Variants in GLIS3 observed in about 807,000 individuals in gnomAD.
The protein encoded by GLIS3 is GLIS family zinc finger 3.
Under a neutral mutation model 78.6 loss-of-function variants are expected in GLIS3, and 53 were observed. That is an observed-to-expected ratio of 0.67 (90% CI 0.54 to 0.85). The LOEUF is 0.85. Ranked by LOEUF, GLIS3 falls within the 40% of genes least tolerant of loss-of-function variation. The pLI is 0.00. For missense variants in GLIS3, 1,703 were observed against 1,231.1 expected (o/e 1.38, Z -5.74); for synonymous variants, 684 against 509.9 (o/e 1.34, Z -4.60).
At chr9:4,059,216 T>C (rs1018821760) in intron 4 of GLIS3, among the ~76,000 whole-genome samples, 1 of 152,228 alleles carries the variant, frequency 6.6e-6, no homozygotes, top group Non-Finnish European at 1.5e-5. Context: ...TCAGACATTT[T>C]TTCTCTATGC....
intron 2 of GLIS3, among the ~76,000 whole-genome samples, chr9:4,187,258 T>C (rs187322561): frequency 0.013 from 1,980 of 152,344 alleles, 22 homozygotes; most frequent in Middle Eastern, 0.027. Flanking sequence ...AGGGAATCCT[T>C]TCCCCATTGC....
the GLIS3 span, among the ~76,000 whole-genome samples, chr9:4,385,263 C>T: frequency 6.6e-6 from 1 of 152,144 alleles, no homozygotes; most frequent in Non-Finnish European, 1.5e-5. Context: ...CAAGGATTTT[C>T]CCAACCCCAA....
chr9:4,189,318 T>C (rs1319638527), intron 2 of GLIS3, among the ~76,000 whole-genome samples: 2 of 152,228 alleles, frequency 1.3e-5, no homozygotes, highest in East Asian at 3.8e-4. Flanking sequence ...TTGAGTGAGT[T>C]TCTTAATCCT....
At chr9:4,170,422 C>T (rs1350712136) in intron 2 of GLIS3, among the ~76,000 whole-genome samples, 1 of 151,820 alleles carries the variant, frequency 6.6e-6, no homozygotes, top group African/African-American at 2.4e-5. Flanking sequence ...CAAAACCACA[C>T]ATGAGTCAGC....
intron 4 of GLIS3, among the ~76,000 whole-genome samples, chr9:3,964,378 A>G (rs1397602257): frequency 6.6e-6 from 1 of 152,202 alleles, no homozygotes; most frequent in Non-Finnish European, 1.5e-5. Context: ...CATTAATTAC[A>G]TTCTCTTTGC....
At chr9:3,858,680 T>G (rs988380743) in intron 8 of GLIS3, among the ~76,000 whole-genome samples, 2 of 152,186 alleles carry the variant, frequency 1.3e-5, no homozygotes, top group Non-Finnish European at 2.9e-5. Context: ...AAAATACACA[T>G]TTAAAGTAGG....
intron 4 of GLIS3, among the ~76,000 whole-genome samples, chr9:4,050,140 C>G (rs1262212616): frequency 1.3e-5 from 2 of 151,560 alleles, no homozygotes; most frequent in Non-Finnish European, 2.9e-5. Context: ...TATAAAGACA[C>G]ATGCACACGT....
intron 2 of GLIS3, among the ~76,000 whole-genome samples, chr9:4,197,368 G>A (rs1040939370): frequency 3.3e-5 from 5 of 152,094 alleles, no homozygotes; most frequent in Non-Finnish European, 5.9e-5. Flanking sequence ...AGAGATCATG[G>A]TACAGGGAGG....
the GLIS3 span, among the ~76,000 whole-genome samples, chr9:4,374,844 G>A: frequency 6.6e-6 from 1 of 152,318 alleles, no homozygotes; most frequent in Non-Finnish European, 1.5e-5. Flanking sequence ...CAACACACAT[G>A]CACATATGTG....
intron 4 of GLIS3, among the ~76,000 whole-genome samples, chr9:3,984,209 C>T (rs1819539861): frequency 6.6e-6 from 1 of 152,236 alleles, no homozygotes; most frequent in African/African-American, 2.4e-5. Flanking sequence ...CTCCAGACCC[C>T]AGACTGGTAG....
At chr9:4,474,985 ATTTTTTTTTCTT>A in the GLIS3 span, among the ~76,000 whole-genome samples, 1 of 114,490 alleles carries the variant, frequency 8.7e-6, no homozygotes, top group Non-Finnish European at 1.7e-5. Context: ...GACTATGTTA[ATTTTTTTTTCTT>A]TTTTTTTTTT....
chr9:4,090,544 A>G (rs1829412240), intron 4 of GLIS3, among the ~76,000 whole-genome samples: 1 of 152,186 alleles, frequency 6.6e-6, no homozygotes, highest in Non-Finnish European at 1.5e-5. Flanking sequence ...TTCCAAGTCC[A>G]CTGAACACAT....
chr9:4,342,013 C>T (rs1187517072), intron 2 of GLIS3, among the ~76,000 whole-genome samples: 1 of 152,152 alleles, frequency 6.6e-6, no homozygotes, highest in Non-Finnish European at 1.5e-5. Context: ...TTGTTGGATG[C>T]ATACTTTGCA....
chr9:4,302,223 T>G (rs1289418026), upstream of GLIS3, among the ~76,000 whole-genome samples: 1 of 152,116 alleles, frequency 6.6e-6, no homozygotes, highest in Non-Finnish European at 1.5e-5. Flanking sequence ...ACCCATGAGC[T>G]CTCCATCGTG....
At chr9:4,235,453 G>GA in intron 2 of GLIS3, among the ~76,000 whole-genome samples, 1 of 152,286 alleles carries the variant, frequency 6.6e-6, no homozygotes, top group East Asian at 1.9e-4. Context: ...CTAACGACTT[G>GA]ATCTCAGTCA....
intron 4 of GLIS3, among the ~76,000 whole-genome samples, chr9:4,091,700 T>C (rs769328805): frequency 6.6e-5 from 10 of 152,172 alleles, no homozygotes; most frequent in Non-Finnish European, 1.2e-4. Flanking sequence ...CCTGCCACCA[T>C]GTGAAGGAGG....
rs1023302083 is a variant in GLIS3 at position 4,159,818 on chromosome 9, A to G, written c.389-33877T>C. Among the ~76,000 whole-genome samples, 21 of 152,314 alleles carry G rather than the reference A, an allele frequency of 1.4e-4. No individual in the cohort carries two copies. In the South Asian group the frequency reaches 4.4e-3, roughly 32 times the overall value. On this transcript the variant is annotated intron_variant, in intron 2 of 10. Transcript: ENST00000381971. ...CCACAGATCTCTCTTGTGACCAACA[A>G]TGAAATACATTCAGGAGAGAAGAGC... is the stretch of plus-strand genomic sequence containing the variant.
At chr9:4,180,331 T>C (rs1286496963) in intron 2 of GLIS3, among the ~76,000 whole-genome samples, 6 of 152,124 alleles carry the variant, frequency 3.9e-5, no homozygotes, top group African/African-American at 1.4e-4. Context: ...CTCACCAATT[T>C]AGTCGCAAGA....
intron 2 of GLIS3, among the ~76,000 whole-genome samples, chr9:4,176,957 C>G (rs527974607): frequency 6.6e-6 from 1 of 152,148 alleles, no homozygotes; most frequent in African/African-American, 2.4e-5. Context: ...TTTTTCAGGA[C>G]CAATTTGTAG....
Sources: allele counts gnomAD v4.1 joint callset (sites outside exome capture counted in the v4.1 genomes callset), GRCh38; gene constraint gnomAD v4.1.1; transcripts MANE v1.5; gene names NCBI Gene and HGNC (gene_info 2026-07-23, HGNC 2026-07-21).